Variants in TTC7B observed in about 807,000 individuals in gnomAD.
TTC7B encodes tetratricopeptide repeat protein 7B.
Under a neutral mutation model 106.8 loss-of-function variants are expected in TTC7B, and 28 were observed. The observed-to-expected ratio is 0.26, with a 90% CI of 0.19 to 0.36. The LOEUF (loss-of-function observed/expected upper bound fraction) is 0.36, where lower values mean the gene tolerates loss of function less well. Among genes scored for constraint, TTC7B ranks in the 10% least tolerant of loss-of-function variants. The pLI is 1.00. For missense variants in TTC7B, 862 were observed against 1,076.4 expected, an observed-to-expected ratio of 0.80 and a Z score of 2.79; for synonymous variants, 405 against 430.6, an observed-to-expected ratio of 0.94 and a Z score of 0.74.
chr14:90,791,242 C>T (rs1032959231), intron 1 of TTC7B, among the ~76,000 whole-genome samples: 33 of 152,270 alleles, frequency 2.2e-4, no homozygotes, highest in African/African-American at 7.5e-4. Flanking sequence ...CAAACCACCT[C>T]GAGCAGCCCC....
rs57088410 is a variant in TTC7B, at chr14:90,542,528, G to A, written c.2311-939C>T. On this transcript the variant is annotated intron_variant, in intron 19 of 19. Coordinates refer to ENST00000328459, the MANE Select transcript of TTC7B (RefSeq NM_001010854.2). The stretch of plus-strand genomic sequence containing the variant: ...CTCTCACTTTCTCAACCTCTCCCTC[G>A]GGGGAGAAACATGTAGGTCACATCC... 1.9e-4 allele frequency among the ~76,000 whole-genome samples: 29 copies of A among 152,192 alleles called. No individual in the cohort carries two copies. In the East Asian group the frequency reaches 4.8e-3, roughly 25 times the overall value.
At chr14:90,630,725 TAG>T (rs751628665) in intron 15 of TTC7B, among the ~76,000 whole-genome samples, 15 of 152,222 alleles carry the variant, frequency 9.9e-5, no homozygotes, top group Non-Finnish European at 1.5e-4. Context: ...CTCATATGAG[TAG>T]AGTCACACAT....
chr14:90,685,185 C>T (rs1451072765), intron 7 of TTC7B, among the ~76,000 whole-genome samples: 2 of 152,160 alleles, frequency 1.3e-5, no homozygotes, highest in African/African-American at 4.8e-5. Flanking sequence ...GGGATCTCTG[C>T]CATCTAAATT....
At chr14:90,715,171 T>C (rs1888606241) in intron 5 of TTC7B, among the ~76,000 whole-genome samples, 1 of 152,228 alleles carries the variant, frequency 6.6e-6, no homozygotes, top group South Asian at 2.1e-4. Flanking sequence ...ACCCATCCGA[T>C]GCCCTGTTGC....
At position 90,663,173 on chromosome 14, in the gene TTC7B, T is replaced by C. The variant is rs760076181; in HGVS notation, c.1153-4786A>G. On this transcript the variant is annotated intron_variant, in intron 9 of 19. Coordinates refer to ENST00000328459, the MANE Select transcript of TTC7B (RefSeq NM_001010854.2). This position sits in a 1 kb window ranked among gnomAD's most constrained non-coding sequence, Gnocchi z 4.5. Reference sequence around the variant, plus strand: ...ACAAGGCAGGTAGGCCCCTTTATCATCGTCCATTTGCAGGTGAGGAAACTG... The same window carrying C: ...ACAAGGCAGGTAGGCCCCTTTATCACCGTCCATTTGCAGGTGAGGAAACTG... 6.6e-6 allele frequency among the ~76,000 whole-genome samples: 1 copy of C among 152,174 alleles called. No individual in the cohort carries two copies. The highest frequency in any genetic ancestry group is 1.5e-5 in the Non-Finnish European group (1 of 68,030).
chr14:90,752,773 G>A (rs1455203233), intron 3 of TTC7B, among the ~76,000 whole-genome samples: 2 of 152,318 alleles, frequency 1.3e-5, no homozygotes, highest in Middle Eastern at 6.8e-3. Flanking sequence ...GCCAGGTTCC[G>A]ACCCCTGGTC....
At chr14:90,592,444 C>T (rs1891998587) in intron 18 of TTC7B, among the ~76,000 whole-genome samples, 1 of 152,186 alleles carries the variant, frequency 6.6e-6, no homozygotes, top group Non-Finnish European at 1.5e-5. Flanking sequence ...CGCGGTGGCT[C>T]ACGCCTGTAA....
chr14:90,561,740 C>T (rs1890593433), intron 19 of TTC7B, among the ~76,000 whole-genome samples: 1 of 152,222 alleles, frequency 6.6e-6, no homozygotes, highest in Non-Finnish European at 1.5e-5. Context: ...GAGACCCTTC[C>T]TGTGCACGGT....
At chr14:90,727,591 A>C (rs1410732627) in intron 5 of TTC7B, among the ~76,000 whole-genome samples, 1 of 152,230 alleles carries the variant, frequency 6.6e-6, no homozygotes, top group Non-Finnish European at 1.5e-5. Flanking sequence ...GCCCAAGTCC[A>C]CCAGTTCCGC....
chr14:90,634,581 G>A (rs749270007), intron 15 of TTC7B, among the ~76,000 whole-genome samples: 1 of 152,064 alleles, frequency 6.6e-6, no homozygotes, highest in Admixed American at 6.5e-5. Flanking sequence ...AGACCAGCCC[G>A]GCCAACATGG....
intron 15 of TTC7B, among the ~76,000 whole-genome samples, chr14:90,620,763 G>A (rs577651188): frequency 6.6e-5 from 10 of 152,362 alleles, no homozygotes; most frequent in Admixed American, 6.5e-4. Context: ...GAATGCCAGA[G>A]TGCGTCTCTA....
At chr14:90,776,641 T>C (rs553181892) in intron 3 of TTC7B, among the ~76,000 whole-genome samples, 1 of 152,238 alleles carries the variant, frequency 6.6e-6, no homozygotes, top group African/African-American at 2.4e-5. Flanking sequence ...AGTACAAATC[T>C]AGGGTATTCT....
rs533927702 is a variant in TTC7B, at chr14:90,577,406, G to A, written c.2310+700C>T. 1.2e-4 allele frequency among the ~76,000 whole-genome samples: 18 copies of A among 152,298 alleles called. No homozygotes were observed. Among genetic ancestry groups the A allele is most frequent in the African/African-American group, 3.8e-4 (16 of 41,576 alleles). On this transcript the variant is annotated intron_variant, in intron 19 of 19. Transcript: ENST00000328459. This position sits in a 1 kb window ranked among gnomAD's most constrained non-coding sequence, Gnocchi z 5.0. ...GTCCCCACCTAACTGAAACCGACAC[G>A]GCCAGGTGGCCGGCTCCAGGGTCTC...
intron 3 of TTC7B, among the ~76,000 whole-genome samples, chr14:90,776,877 G>C (rs755968311): frequency 6.6e-6 from 1 of 152,164 alleles, no homozygotes; most frequent in Non-Finnish European, 1.5e-5. Flanking sequence ...TAACCTCCCT[G>C]TGCCCCAGGT....
In TTC7B at chr14:90,624,360, G is replaced by A. The variant is rs1157362656; in HGVS notation, c.1752-6315C>T. ...CCCCTGGGGAAGCTCTGGGGCACGC[G>A]GCATTGTGACTGTCCAGTGTTCACC... On this transcript the variant is annotated intron_variant, in intron 15 of 19. Transcript: ENST00000328459. The surrounding 1 kb of genome is among the most constrained non-coding windows in gnomAD (Gnocchi z 4.0). Among the ~76,000 whole-genome samples the A allele has an allele frequency of 6.6e-6, 1 of 152,158 alleles. No individual in the cohort carries two copies. The highest frequency in any genetic ancestry group is 1.5e-5 in the Non-Finnish European group (1 of 68,034).
intron 2 of TTC7B, 141 bp downstream of exon 2, chr14:90,786,033 G>A (rs1032473993): frequency 2.6e-5 from 26 of 1,010,260 alleles, no homozygotes; most frequent in Non-Finnish European, 3.3e-5. Context: ...CCACCCAACT[G>A]GGAGCTGGCC....
chr14:90,763,442 T>TC (rs1299987857), intron 3 of TTC7B, among the ~76,000 whole-genome samples: 1 of 152,092 alleles, frequency 6.6e-6, no homozygotes, highest in Non-Finnish European at 1.5e-5. Context: ...CTGAAAGCTT[T>TC]CCCCCTAAAA....
chr14:90,731,039 G>A (rs529885016), intron 4 of TTC7B, among the ~76,000 whole-genome samples: 11 of 152,196 alleles, frequency 7.2e-5, no homozygotes, highest in South Asian at 2.1e-4. Context: ...TCCGCCTCCC[G>A]GGTTCACGCC....
At chr14:90,660,395 C>CAAAAAAAAAAAAAA (rs57030874) in intron 9 of TTC7B, among the ~76,000 whole-genome samples, 13 of 40,892 alleles carry the variant, frequency 3.2e-4, no homozygotes, top group Admixed American at 4.0e-4. Context: ...CACCCTGTCT[C>CAAAAAAAAAAAAAA]AAAAAAAAAA....
Sources: gnomAD v4.1 joint callset for allele counts (sites outside exome capture counted in the v4.1 genomes callset) on GRCh38, gnomAD v4.1.1 for gene constraint, Gnocchi (gnomAD v3.1) non-coding constraint, MANE v1.5 for transcripts, NCBI Gene and HGNC (gene_info 2026-07-23, HGNC 2026-07-21) for gene names.